MRE11: variants seen among roughly 807,000 people sequenced by gnomAD.
MRE11 encodes MRE11 double strand break repair nuclease.
Under a neutral mutation model 91.7 loss-of-function variants are expected in MRE11, and 62 were observed. The ratio of observed to expected loss-of-function variants is 0.68; its 90% CI spans 0.55 to 0.84. MRE11 has a LOEUF of 0.84. Among genes scored for constraint, MRE11 ranks in the 40% least tolerant of loss-of-function variants. The pLI, the probability that MRE11 is intolerant of heterozygous loss-of-function variation, is 0.00. For synonymous variants in MRE11, 273 were observed against 271.4 expected, an observed-to-expected ratio of 1.01 and a Z score of -0.06; for missense variants, 796 against 852.9, an observed-to-expected ratio of 0.93 and a Z score of 0.83.
At chr11:94,495,001 T>C (rs1947390461), upstream of MRE11, among the ~76,000 whole-genome samples, 1 of 152,186 alleles carries the variant, frequency 6.6e-6, no homozygotes, top group African/African-American at 2.4e-5. Flanking sequence ...TCTGATTGGA[T>C]ATCTCTGATT....
the MRE11 span, among the ~76,000 whole-genome samples, chr11:94,505,227 A>G: frequency 2.0e-4 from 31 of 152,288 alleles, no homozygotes; most frequent in Admixed American, 1.2e-3. Flanking sequence ...AAAAAAGTGA[A>G]CTGTATAACA....
At chr11:94,467,508 C>A (rs1368223865) in intron 10 of MRE11, among the ~76,000 whole-genome samples, 1 of 151,876 alleles carries the variant, frequency 6.6e-6, no homozygotes, top group Non-Finnish European at 1.5e-5. Flanking sequence ...CAAGAAACTG[C>A]GAGAAGGCCA....
chr11:94,466,472 A>G (rs371847759), intron 10 of MRE11: 26 of 531,754 alleles, frequency 4.9e-5, no homozygotes, highest in Non-Finnish European at 9.3e-5. Flanking sequence ...TATTTAATCC[A>G]TTTAGATCTC....
chr11:94,501,123 G>A, the MRE11 span, among the ~76,000 whole-genome samples: 3 of 152,218 alleles, frequency 2.0e-5, no homozygotes, highest in Admixed American at 2.0e-4. Flanking sequence ...TTTCTCTAAA[G>A]GATATTTAAG....
intron 9 of MRE11, among the ~76,000 whole-genome samples, chr11:94,468,286 T>G (rs1946619593): frequency 6.6e-6 from 1 of 152,192 alleles, no homozygotes; most frequent in Non-Finnish European, 1.5e-5. Flanking sequence ...ATTATTTATC[T>G]TGGAAGAGTT....
chr11:94,456,481 C>T, intron 13 of MRE11, 143 bp from the exon 14 acceptor site: 1 of 701,254 alleles, frequency 1.4e-6, no homozygotes, highest in South Asian at 1.7e-5. Flanking sequence ...CATATTTTTC[C>T]AATTATTAAC....
intron 16 of MRE11, among the ~76,000 whole-genome samples, chr11:94,439,999 T>C (rs1324445595): frequency 6.6e-6 from 1 of 152,236 alleles, no homozygotes; most frequent in Non-Finnish European, 1.5e-5. Flanking sequence ...GGAGGAATGA[T>C]GCAGACCCCT....
intron 3 of MRE11, among the ~76,000 whole-genome samples, chr11:94,488,431 G>A (rs1265509929): frequency 6.6e-6 from 1 of 152,150 alleles, no homozygotes; most frequent in Non-Finnish European, 1.5e-5. Context: ...ACTACCATTT[G>A]ACCCAGCAAT....
At position 94,461,157 on chromosome 11, in the gene MRE11, C is replaced by G. The variant is rs1946404189; in HGVS notation, c.1226-121G>C. The G allele has an allele frequency of 1.0e-5, 8 of 775,902 alleles. No individual in the cohort carries two copies. In the East Asian group the frequency reaches 2.2e-4, roughly 21 times the overall value. 48.1% of individuals were successfully genotyped at this position (775,902 alleles called of 1,614,324 possible). On this transcript the variant is annotated intron_variant, in intron 11 of 19. Transcript: ENST00000323929. The stretch of plus-strand genomic sequence containing the variant: ...CTTTAGCAACTGCCAGCTTGCTCAA[C>G]ATGGTAAATTTTGAGGCAAAACAAG...
the MRE11 span, among the ~76,000 whole-genome samples, chr11:94,508,083 C>A: frequency 6.6e-6 from 1 of 152,092 alleles, no homozygotes; most frequent in Non-Finnish European, 1.5e-5. Context: ...AATTCTCCTG[C>A]CTCAGCCTCC....
chr11:94,416,562 T>C lies in MRE11; in HGVS notation c.*3563A>G, dbSNP rs755533684. ...TAGTTAGCTTTAAAAAAACACAAAA[T>C]AGGCTGGGCGTGGTGGCTCAGGCCT... is the stretch of plus-strand genomic sequence containing the variant. On this transcript the variant is annotated 3_prime_UTR_variant, in exon 20 of 20. Coordinates refer to ENST00000323929, the MANE Select transcript of MRE11 (RefSeq NM_005591.4). 6.6e-6 allele frequency: 1 copy of C among 151,554 alleles called. No individual in the cohort carries two copies. The highest frequency in any genetic ancestry group is 1.5e-5 in the Non-Finnish European group (1 of 67,948). The allele number at this position is 151,554 out of a possible 1,614,324, so 9.4% of individuals were successfully genotyped here.
At chr11:94,507,152 T>C in the MRE11 span, among the ~76,000 whole-genome samples, 1 of 152,214 alleles carries the variant, frequency 6.6e-6, no homozygotes, top group Non-Finnish European at 1.5e-5. Flanking sequence ...CCACTCAGTG[T>C]TCCCTCAAAG....
intron 13 of MRE11, among the ~76,000 whole-genome samples, 165 bp downstream of exon 13, chr11:94,459,243 T>G (rs1213281573): frequency 2.0e-5 from 3 of 152,238 alleles, no homozygotes; most frequent in Non-Finnish European, 2.9e-5. Context: ...CTAGGCATTT[T>G]CTACATTTTC....
intron 7 of MRE11, among the ~76,000 whole-genome samples, chr11:94,474,892 T>C (rs1405499776): frequency 1.3e-5 from 2 of 152,114 alleles, no homozygotes; most frequent in African/African-American, 4.8e-5. Flanking sequence ...AAAAAAATGG[T>C]AGACCTGGGA....
At chr11:94,445,497 A>G (rs2134893360) in intron 16 of MRE11, among the ~76,000 whole-genome samples, 1 of 151,916 alleles carries the variant, frequency 6.6e-6, no homozygotes, top group East Asian at 1.9e-4. Context: ...TTTAGTAGAG[A>G]CCGGGTTTCA....
intron 18 of MRE11, among the ~76,000 whole-genome samples, chr11:94,433,298 C>A (rs1323275453): frequency 1.3e-5 from 2 of 152,212 alleles, no homozygotes; most frequent in African/African-American, 4.8e-5. Flanking sequence ...TGCCACTCCT[C>A]TCTTAAAATC....
chr11:94,431,806 G>GT (rs1304311198), intron 18 of MRE11, among the ~76,000 whole-genome samples: 1 of 152,214 alleles, frequency 6.6e-6, no homozygotes, highest in Non-Finnish European at 1.5e-5. Flanking sequence ...CCAAACAACT[G>GT]TGAGTTATAT....
In MRE11 at chr11:94,486,022, T is replaced by C; in HGVS notation, c.216A>G (p.Leu72=). ...TTCTTAATAACTCGAGGCAGGTATGTAATGTTTTCCTTGAGGGCTTATTTT... is the reference window on the plus strand; with the variant it reads ...TTCTTAATAACTCGAGGCAGGTATGCAATGTTTTCCTTGAGGGCTTATTTT... The part of the protein sequence containing the change: ...FHENKPSRKT[L]HTCLELLRKY... Residue 72 remains leucine (L), a synonymous_variant, in exon 4 of 20, where the codon TTA becomes TTG. Coordinates refer to ENST00000323929, the MANE Select transcript of MRE11 (RefSeq NM_005591.4). 3 of 1,613,936 alleles carry C rather than the reference T, an allele frequency of 1.9e-6. 1 individual carries two copies. The highest frequency in any genetic ancestry group is 2.2e-5 in the South Asian group (2 of 91,076).
At chr11:94,483,499 G>T (rs565233185) in intron 4 of MRE11, among the ~76,000 whole-genome samples, 1 of 152,206 alleles carries the variant, frequency 6.6e-6, no homozygotes, top group East Asian at 1.9e-4. Flanking sequence ...AGATCTGATG[G>T]TTTTAAAAAT....
Sources: gnomAD v4.1 joint callset for allele counts (sites outside exome capture counted in the v4.1 genomes callset) on GRCh38, gnomAD v4.1.1 for gene constraint, MANE v1.5 for transcripts, NCBI Gene and HGNC (gene_info 2026-07-23, HGNC 2026-07-21) for gene names.